Variants in MAPK6 observed in about 807,000 individuals in gnomAD.
The protein encoded by MAPK6 is mitogen-activated protein kinase 6.
MAPK6 carries 19 observed loss-of-function variants against 59.3 expected under a neutral mutation model. The observed-to-expected ratio is 0.32, with a 90% CI of 0.22 to 0.47. The LOEUF (loss-of-function observed/expected upper bound fraction) is 0.47. Among genes scored for constraint, MAPK6 ranks in the 20% least tolerant of loss-of-function variants. The probability of loss-of-function intolerance (pLI) is 1.00; values close to 1 mark genes in which losing one functional copy is unlikely to be tolerated. For synonymous variants in MAPK6, 316 were observed against 290.3 expected (o/e 1.09, Z -0.90); for missense variants, 724 against 847.9 (o/e 0.85, Z 1.81).
intron 4 of MAPK6, among the ~76,000 whole-genome samples, chr15:52,061,006 A>G (rs976218517): frequency 7.9e-5 from 12 of 152,220 alleles, no homozygotes; most frequent in African/African-American, 2.4e-4. Context: ...AAACCTATAT[A>G]TTAGGCCGGG....
At chr15:52,051,551 A>T (rs2031781482) in intron 3 of MAPK6, among the ~76,000 whole-genome samples, 1 of 152,214 alleles carries the variant, frequency 6.6e-6, no homozygotes, top group Non-Finnish European at 1.5e-5. Context: ...ACAGCAAGCC[A>T]GCTCTTTATA....
chr15:51,992,495 G>T (rs1037864384), intron 2 of MAPK6, among the ~76,000 whole-genome samples: 2 of 151,408 alleles, frequency 1.3e-5, no homozygotes, highest in African/African-American at 4.9e-5. Context: ...TAGTAGAGAC[G>T]GGGTTTCACC....
chr15:52,063,103 CTG>C (rs2032269495), intron 5 of MAPK6, among the ~76,000 whole-genome samples: 3 of 152,200 alleles, frequency 2.0e-5, no homozygotes, highest in Admixed American at 6.5e-5. Flanking sequence ...GAGTCTCACT[CTG>C]TTGCCAGGCT....
rs148519048 is a variant in MAPK6, at chr15:52,060,193, C to G, written c.866-1106C>G. Among the ~76,000 whole-genome samples, 198 of 152,288 alleles carry G rather than the reference C, an allele frequency of 1.3e-3. 2 individuals carry two copies. Among genetic ancestry groups the G allele is most frequent in the African/African-American group, 4.6e-3 (191 of 41,560 alleles). Reference sequence around the variant, plus strand: ...GTTCAAGGCTACAATGAGCTATGATCATGCTATTGCACTCCAGCCTGGGCA... The same window carrying G: ...GTTCAAGGCTACAATGAGCTATGATGATGCTATTGCACTCCAGCCTGGGCA... On this transcript the variant is annotated intron_variant, in intron 4 of 5. Coordinates refer to ENST00000261845, the MANE Select transcript of MAPK6 (RefSeq NM_002748.4).
intron 2 of MAPK6, among the ~76,000 whole-genome samples, chr15:51,986,909 A>G (rs998796321): frequency 6.6e-6 from 1 of 152,138 alleles, no homozygotes; most frequent in Non-Finnish European, 1.5e-5. Context: ...AAAATGAATT[A>G]GAAAGGATTA....
intron 2 of MAPK6, among the ~76,000 whole-genome samples, chr15:51,986,937 G>A (rs1330131863): frequency 6.6e-6 from 1 of 152,124 alleles, no homozygotes; most frequent in Non-Finnish European, 1.5e-5. Flanking sequence ...CTATGTGCAT[G>A]TTGCCAAAAG....
chr15:51,996,237 A>T (rs2057223861), intron 2 of MAPK6, among the ~76,000 whole-genome samples: 1 of 152,182 alleles, frequency 6.6e-6, no homozygotes. Flanking sequence ...ACCTCTTCTA[A>T]TGACCAGGGT....
chr15:52,041,869 C>T (rs2141074859), intron 1 of MAPK6, among the ~76,000 whole-genome samples: 1 of 152,256 alleles, frequency 6.6e-6, no homozygotes. Context: ...TCCTTGGTAC[C>T]ACTTGTCCTT....
chr15:52,034,381 C>T (rs1033306118), intron 1 of MAPK6, among the ~76,000 whole-genome samples: 13 of 151,834 alleles, frequency 8.6e-5, no homozygotes, highest in East Asian at 1.9e-4. Flanking sequence ...TGGCTGATCT[C>T]GGCTCATGGC....
At chr15:52,014,214 C>A, upstream of MAPK6, among the ~76,000 whole-genome samples, 1 of 152,126 alleles carries the variant, frequency 6.6e-6, no homozygotes, top group East Asian at 1.9e-4. Flanking sequence ...TCAGGAAGCA[C>A]TCATCTATCT....
At chr15:51,995,611 T>C (rs2057221953) in intron 2 of MAPK6, among the ~76,000 whole-genome samples, 1 of 152,150 alleles carries the variant, frequency 6.6e-6, no homozygotes, top group African/African-American at 2.4e-5. Context: ...CTATAGTTGT[T>C]CCTGGGGCCA....
intron 1 of MAPK6, among the ~76,000 whole-genome samples, chr15:51,979,135 A>G (rs141728352): frequency 3.0e-4 from 41 of 138,392 alleles, no homozygotes; most frequent in African/African-American, 7.2e-4. Flanking sequence ...GAAAGGAAGG[A>G]AGGGAGGGAG....
At chr15:52,015,621 C>T (rs1255400663), upstream of MAPK6, among the ~76,000 whole-genome samples, 7 of 150,528 alleles carry the variant, frequency 4.7e-5, no homozygotes, top group Admixed American at 6.6e-5. Flanking sequence ...GGGTGGCGCA[C>T]GCCACCACGC....
At chr15:51,985,699 C>CT (rs1228424275) in intron 2 of MAPK6, among the ~76,000 whole-genome samples, 3 of 152,030 alleles carry the variant, frequency 2.0e-5, no homozygotes, top group Non-Finnish European at 4.4e-5. Context: ...TGGCTCACGC[C>CT]TGTAATCCTA....
intron 1 of MAPK6, among the ~76,000 whole-genome samples, chr15:52,026,024 C>T (rs1257735529): frequency 6.6e-6 from 1 of 152,160 alleles, no homozygotes; most frequent in Non-Finnish European, 1.5e-5. Flanking sequence ...CTAATTGATA[C>T]ATCTGTGTTC....
rs774570154 is a variant in MAPK6 at position 52,050,141 on chromosome 15, A to G, written c.700+4A>G. The G allele has an allele frequency of 6.9e-6, 11 of 1,597,400 alleles. No individual in the cohort carries two copies. The South Asian group carries it at 1.2e-4, about 17-fold the overall frequency. On this transcript the variant is annotated splice_donor_region_variant and intron_variant, in intron 3 of 5. Transcript: ENST00000261845. Reference sequence around the variant, plus strand: ...ACTGGTAAAACCCTTTTTGCAGGTTAGTATTTTGTGGGGGGAAAAATTTTC... The same window carrying G: ...ACTGGTAAAACCCTTTTTGCAGGTTGGTATTTTGTGGGGGGAAAAATTTTC...
chr15:51,972,221 C>T (rs1187959025), intron 1 of MAPK6, among the ~76,000 whole-genome samples: 3 of 152,134 alleles, frequency 2.0e-5, no homozygotes, highest in Non-Finnish European at 2.9e-5. Flanking sequence ...TCACAGCAAC[C>T]TCCACTGTCC....
chr15:52,025,250 G>A (rs1408955315), intron 1 of MAPK6, among the ~76,000 whole-genome samples: 2 of 152,004 alleles, frequency 1.3e-5, no homozygotes, highest in African/African-American at 2.4e-5. Context: ...CAAAAAATAC[G>A]TAAATAAATA....
At chr15:52,056,818 AATTATCTATATCTG>A (rs1324050620) in intron 3 of MAPK6, 2 of 152,026 alleles carry the variant, frequency 1.3e-5, no homozygotes, top group African/African-American at 4.8e-5. Context: ...TTCCTTTAAG[AATTATCTATATCTG>A]ATGATGACTC....
Sources: gnomAD v4.1 joint callset for allele counts (sites outside exome capture counted in the v4.1 genomes callset) on GRCh38, gnomAD v4.1.1 for gene constraint, MANE v1.5 for transcripts, NCBI Gene and HGNC (gene_info 2026-07-23, HGNC 2026-07-21) for gene names.